The following ZDHHC11 variants were observed in gnomAD, a reference collection of about 807,000 sequenced individuals.
ZDHHC11 encodes palmitoyltransferase ZDHHC11.
In ZDHHC11, 44 loss-of-function variants were observed where a neutral mutation model predicts 51.3. The observed-to-expected ratio is 0.86, with a 90% CI of 0.67 to 1.10. The LOEUF is 1.10. ZDHHC11 is among the 50% of genes least tolerant of loss of function. The probability of loss-of-function intolerance (pLI) is 0.00; values close to 1 mark genes in which losing one functional copy is unlikely to be tolerated. For synonymous variants in ZDHHC11, 163 were observed against 222.0 expected (o/e 0.73, Z 2.36); for missense variants, 400 against 537.7 (o/e 0.74, Z 2.53).
At chr5:806,402 TAA>T (rs1158912650) in intron 11 of ZDHHC11, among the ~76,000 whole-genome samples, 1 of 151,210 alleles carries the variant, frequency 6.6e-6, no homozygotes, top group African/African-American at 2.4e-5. Context: ...CAACCAAAGA[TAA>T]AGTCTTAGCT....
At position 840,492 on chromosome 5, in the gene ZDHHC11, T is replaced by G; in HGVS notation, c.784+3A>C. ...GATCGGGGGCTTAGGGTGGGGGACA[T>G]ACTCAGGTAGATGTGGAAGATGAGC... On this transcript the variant is annotated splice_donor_region_variant and intron_variant, in intron 5 of 12. Coordinates refer to ENST00000283441, the MANE Select transcript of ZDHHC11 (RefSeq NM_024786.3). 5 of 1,613,528 alleles carry G rather than the reference T, an allele frequency of 3.1e-6. No homozygotes were observed. The highest frequency in any genetic ancestry group is 4.2e-6 in the Non-Finnish European group (5 of 1,179,886).
chr5:817,191 C>A (rs551080625), intron 10 of ZDHHC11, among the ~76,000 whole-genome samples: 18 of 151,632 alleles, frequency 1.2e-4, no homozygotes, highest in African/African-American at 4.1e-4. Context: ...GCTGTGGCCA[C>A]CTCGGTATGC....
intron 8 of ZDHHC11, 119 bp from the exon 9 acceptor site, chr5:822,014 G>T: frequency 3.4e-6 from 3 of 871,880 alleles, no homozygotes; most frequent in South Asian, 3.5e-5. Context: ...GTACATCAAG[G>T]TTGCCTGGAT....
intron 9 of ZDHHC11, chr5:821,205 A>G (rs991069163): frequency 1.7e-4 from 26 of 151,538 alleles, no homozygotes; most frequent in Admixed American, 2.0e-4. Flanking sequence ...GAAGAGGGCC[A>G]GGGGTCCCCT....
In ZDHHC11 at chr5:807,857, T is replaced by C. The variant is rs1242096272; in HGVS notation, c.1182-6693A>G. On this transcript the variant is annotated intron_variant, in intron 11 of 12. Transcript: ENST00000283441. ...GGTGCCAATTAGTTTCTGATCACTC[T>C]GCTAAGAGGAGCTTTGCATTCCTGT... Among the ~76,000 whole-genome samples the C allele has an allele frequency of 9.9e-5, 15 of 151,564 alleles. No homozygotes were observed. In the East Asian group the frequency reaches 2.7e-3, roughly 28 times the overall value.
upstream of ZDHHC11, among the ~76,000 whole-genome samples, chr5:855,783 G>C (rs540061283): frequency 6.8e-6 from 1 of 146,378 alleles, no homozygotes; most frequent in Admixed American, 6.8e-5. Flanking sequence ...AGACACCACA[G>C]AGGACAGTGA....
chr5:799,995 C>A (rs1426103110), intron 12 of ZDHHC11, among the ~76,000 whole-genome samples: 1 of 151,320 alleles, frequency 6.6e-6, no homozygotes, highest in Non-Finnish European at 1.5e-5. Flanking sequence ...ACAATTTTCA[C>A]AGGTTTGCTG....
intron 11 of ZDHHC11, among the ~76,000 whole-genome samples, chr5:805,920 C>T (rs7730147): frequency 0.21 from 31,667 of 149,604 alleles, 4,666 homozygotes; most frequent in African/African-American, 0.44. Context: ...AGGTTAAGCA[C>T]AAGGGTGGTA....
chr5:848,981 C>G (rs1241367596), intron 1 of ZDHHC11, among the ~76,000 whole-genome samples: 1 of 151,880 alleles, frequency 6.6e-6, no homozygotes, highest in Non-Finnish European at 1.5e-5. Flanking sequence ...CTCACCCATG[C>G]CCGGCCCTGC....
chr5:796,202 G>A lies in ZDHHC11; in HGVS notation c.*386C>T, dbSNP rs1186387319. The A allele has an allele frequency of 1.3e-5, 2 of 155,386 alleles. No homozygotes were observed. The highest frequency in any genetic ancestry group is 3.7e-4 in the East Asian group (2 of 5,382). 9.6% of individuals were successfully genotyped at this position (155,386 alleles called of 1,614,324 possible). On this transcript the variant is annotated 3_prime_UTR_variant, in exon 13 of 13. Coordinates refer to ENST00000283441, the MANE Select transcript of ZDHHC11 (RefSeq NM_024786.3). ...ATTTCCCAGTACTGTGCTCACAGGT[G>A]TGAGCCAACATGCCCGGCCCATCAG...
At chr5:817,033 GC>G in intron 10 of ZDHHC11, 1 of 212,452 alleles carries the variant, frequency 4.7e-6, no homozygotes. Context: ...CTGAATTACT[GC>G]CCTGGGGGGT....
chr5:850,776 T>C lies in ZDHHC11; in HGVS notation c.-174A>G. 3.8e-6 allele frequency: 3 copies of C among 789,504 alleles called. No individual in the cohort carries two copies. Among genetic ancestry groups the C allele is most frequent in the Non-Finnish European group, 3.9e-6 (2 of 506,902 alleles). 48.9% of individuals were successfully genotyped at this position (789,504 alleles called of 1,614,324 possible). On this transcript the variant is annotated 5_prime_UTR_variant, in exon 1 of 13. Transcript: ENST00000283441. ...CCCGCAGAGGGAGCAGGGGCTGGGC[T>C]GGAGTCGGTGCAGGGCCCCGCCCAG...
chr5:854,996 GA>G (rs1747950470), upstream of ZDHHC11, among the ~76,000 whole-genome samples: 1 of 130,100 alleles, frequency 7.7e-6, no homozygotes. Flanking sequence ...GAGCCAGGGG[GA>G]CAGACCCCAC....
At chr5:841,122 C>A (rs1250760781) in intron 4 of ZDHHC11, 1 of 945,426 alleles carries the variant, frequency 1.1e-6, no homozygotes, top group African/African-American at 2.1e-5. Context: ...GTCACAGCAC[C>A]CATCCCTTCC....
rs771758538 is a variant in ZDHHC11 at position 850,642 on chromosome 5, C to T, written c.-40G>A. 4.4e-6 allele frequency: 7 copies of T among 1,598,378 alleles called. No homozygotes were observed. In the African/African-American group the frequency reaches 6.0e-5, roughly 14 times the overall value. On this transcript the variant is annotated 5_prime_UTR_variant, in exon 1 of 13. Transcript: ENST00000283441. ...AGGGGAGGACCTGCGCCGTCAGATC[C>T]TGGGAGGGCCGGCCCCGCCCACTGT...
At position 850,769 on chromosome 5, in the gene ZDHHC11, GC is replaced by G. The variant is rs1274540428; in HGVS notation, c.-168del. ...CACGTTCCCCGCAGAGGGAGCAGGG[GC>G]TGGGCTGGAGTCGGTGCAGGGCCCC... On this transcript the variant is annotated 5_prime_UTR_variant, in exon 1 of 13. The change creates a premature stop within an existing upstream ORF in the 5' untranslated region. Coordinates refer to ENST00000283441, the MANE Select transcript of ZDHHC11 (RefSeq NM_024786.3). 2.4e-6 allele frequency: 2 copies of G among 847,430 alleles called. No individual in the cohort carries two copies. Among genetic ancestry groups the G allele is most frequent in the Non-Finnish European group, 3.6e-6 (2 of 558,036 alleles). 52.5% of individuals were successfully genotyped at this position (847,430 alleles called of 1,614,324 possible).
chr5:818,239 G>A lies in ZDHHC11; in HGVS notation c.1146+1286C>T, dbSNP rs150408220. ...CCCGGCAGCAGGTGTGCATGTGGAC[G>A]ATTGCAGGCAGAGAAAATCCTGTGA... is the stretch of plus-strand genomic sequence containing the variant. On this transcript the variant is annotated intron_variant, in intron 10 of 12. Coordinates refer to ENST00000283441, the MANE Select transcript of ZDHHC11 (RefSeq NM_024786.3). 3.3e-5 allele frequency among the ~76,000 whole-genome samples: 5 copies of A among 151,444 alleles called. 1 individual carries two copies. Among genetic ancestry groups the A allele is most frequent in the East Asian group, 1.9e-4 (1 of 5,174 alleles).
In ZDHHC11 at chr5:850,963, C is replaced by T. The variant is rs540645670; in HGVS notation, c.-361G>A. The T allele has an allele frequency of 1.5e-5, 5 of 340,914 alleles. No homozygotes were observed. The highest frequency in any genetic ancestry group is 4.3e-5 in the Admixed American group (1 of 23,002). The allele number at this position is 340,914 out of a possible 1,614,324, so 21.1% of individuals were successfully genotyped here. On this transcript the variant is annotated 5_prime_UTR_variant, in exon 1 of 13. Transcript: ENST00000283441. ...GGAGTGCTCGACAGCCCCCACACAG[C>T]GACAGGTCCCACAACCCGTTCACGA... is the stretch of plus-strand genomic sequence containing the variant.
chr5:805,742 A>T (rs1739153686), intron 11 of ZDHHC11, among the ~76,000 whole-genome samples: 1 of 151,232 alleles, frequency 6.6e-6, no homozygotes, highest in Non-Finnish European at 1.5e-5. Context: ...TTTAATTAAA[A>T]GTCAGGGATT....
Sources: allele counts gnomAD v4.1 joint callset (sites outside exome capture counted in the v4.1 genomes callset), GRCh38; gene constraint gnomAD v4.1.1; transcripts MANE v1.5; gene names NCBI Gene and HGNC (gene_info 2026-07-23, HGNC 2026-07-21).